VWF: variants seen among roughly 807,000 people sequenced by gnomAD.
VWF encodes von Willebrand factor, also known as Factor VIII related antigen.
A neutral mutation model predicts 308.6 loss-of-function variants in VWF; 176 were observed. The observed-to-expected ratio is 0.57, with a 90% CI of 0.50 to 0.65. The LOEUF (loss-of-function observed/expected upper bound fraction) is 0.65. VWF is among the 30% of genes least tolerant of loss of function. VWF has a pLI of 0.00. For missense variants in VWF, 3,146 were observed against 3,648.2 expected (o/e 0.86, Z 3.55); for synonymous variants, 1,385 against 1,443.4 (o/e 0.96, Z 0.92).
chr12:6,049,301 G>A (rs1206363049), intron 16 of VWF, among the ~76,000 whole-genome samples: 2 of 152,174 alleles, frequency 1.3e-5, no homozygotes, highest in Non-Finnish European at 2.9e-5. Context: ...ATAGCTTTCA[G>A]CCCTGGTGCC....
chr12:5,953,995 C>CAAAAAAAAAA, intron 47 of VWF: 1 of 220,314 alleles, frequency 4.5e-6, no homozygotes. Flanking sequence ...CCCAGTCTTT[C>CAAAAAAAAAA]AAACAAGAAA....
chr12:5,954,739 G>A (rs723188), intron 47 of VWF, among the ~76,000 whole-genome samples: 42,297 of 152,120 alleles, frequency 0.28, 8,200 homozygotes, highest in African/African-American at 0.55. Context: ...GAGACAAAAC[G>A]ACAGCTGGAA....
chr12:5,974,310 CAGA>C (rs1252655238), intron 43 of VWF, among the ~76,000 whole-genome samples: 5 of 152,270 alleles, frequency 3.3e-5, no homozygotes, highest in African/African-American at 1.2e-4. Context: ...TTCTCCTCCC[CAGA>C]AGATGTGAAC....
In VWF at chr12:6,012,926, C is replaced by T. The variant is rs1196924779; in HGVS notation, c.5620+555G>A. 2.6e-5 allele frequency among the ~76,000 whole-genome samples: 4 copies of T among 152,186 alleles called. No homozygotes were observed. In the East Asian group the frequency reaches 7.7e-4, roughly 29 times the overall value. On this transcript the variant is annotated intron_variant, in intron 32 of 51. Coordinates refer to ENST00000261405, the MANE Select transcript of VWF (RefSeq NM_000552.5). ...CTGTGTTAGCCAAGATGGTCTCGAT[C>T]TCCTGACCTCATGATCCGCCCGCCT... is the stretch of plus-strand genomic sequence containing the variant.
At chr12:6,076,069 A>AT (rs112980082) in intron 6 of VWF, among the ~76,000 whole-genome samples, 230 of 147,048 alleles carry the variant, frequency 1.6e-3, no homozygotes, top group Admixed American at 3.3e-3. Context: ...GATCAGCAAG[A>AT]TTTTTTTTTT....
intron 47 of VWF, among the ~76,000 whole-genome samples, chr12:5,955,843 A>G (rs572549704): frequency 1.8e-4 from 28 of 152,234 alleles, no homozygotes; most frequent in Non-Finnish European, 3.1e-4. Context: ...AACTCACTGG[A>G]TTGGATTAAC....
intron 47 of VWF, among the ~76,000 whole-genome samples, chr12:5,964,242 A>ATGCATGCATACATACATACATG (rs1565811123): frequency 1.5e-5 from 2 of 136,970 alleles, no homozygotes; most frequent in African/African-American, 6.7e-5. Flanking sequence ...ATACATACAT[A>ATGCATGCATACATACATACATG]CATACATGCA....
At chr12:5,950,315 G>A (rs1237165427) in intron 50 of VWF, among the ~76,000 whole-genome samples, 1 of 152,084 alleles carries the variant, frequency 6.6e-6, no homozygotes, top group East Asian at 1.9e-4. Context: ...AAGAGGAAAG[G>A]CGAAGTCATG....
intron 18 of VWF, among the ~76,000 whole-genome samples, chr12:6,040,614 A>G (rs148678389): frequency 2.6e-5 from 4 of 152,348 alleles, no homozygotes; most frequent in African/African-American, 9.6e-5. Context: ...GTTAGGAGGC[A>G]GGATTCAAAC....
intron 21 of VWF, 118 bp from the exon 22 acceptor site, chr12:6,029,606 A>C (rs1024802502): frequency 4.6e-5 from 62 of 1,340,950 alleles, no homozygotes; most frequent in South Asian, 1.5e-4. Context: ...AGGCACTGCC[A>C]CCCCTCCAGG....
chr12:6,016,306 T>C (rs1944056638), intron 30 of VWF, 74 bp from the exon 31 acceptor site: 2 of 1,605,966 alleles, frequency 1.2e-6, no homozygotes, highest in South Asian at 2.2e-5. Context: ...GGTGGATCCT[T>C]AAGTCACTTA....
At chr12:6,082,168 T>C (rs141921049) in intron 6 of VWF, among the ~76,000 whole-genome samples, 2,299 of 152,216 alleles carry the variant, frequency 0.015, 57 homozygotes, top group African/African-American at 0.052. Flanking sequence ...GGTTCCACCA[T>C]GTTGGTCAGG....
Position 5,952,519 on chromosome 12 carries a change from G to A in VWF, c.7987C>T (p.Arg2663Cys), listed in dbSNP as rs370662678. The A allele has an allele frequency of 5.3e-5, 85 of 1,613,370 alleles. No homozygotes were observed. The highest frequency in any genetic ancestry group is 8.0e-5 in the African/African-American group (6 of 74,896). Residue 2663 changes from arginine (R) to cysteine (C), a missense_variant and splice_region_variant, in exon 49 of 52, where the codon CGT becomes TGT. By Grantham distance (180) the Arg-to-Cys change is radical. This residue lies in a region of VWF where 989 missense variants were observed against 1,117.4 expected (regional missense o/e 0.89). Transcript: ENST00000261405. ...CAGCCATCCTGGAGCGTCTCATCACGCTGGAAGGAAAGAGGAGTGGGTAAA... is the reference window on the plus strand; with the variant it reads ...CAGCCATCCTGGAGCGTCTCATCACACTGGAAGGAAAGAGGAGTGGGTAAA... Reference protein sequence around the residue: ...LRGGQIMTLKRDETLQDGCDT... With the variant: ...LRGGQIMTLKCDETLQDGCDT...
At chr12:6,003,412 T>C (rs1442391672) in intron 34 of VWF, among the ~76,000 whole-genome samples, 2 of 151,980 alleles carry the variant, frequency 1.3e-5, no homozygotes, top group African/African-American at 4.8e-5. Flanking sequence ...TACAGCATTA[T>C]AACTTTAGGA....
chr12:5,992,178 T>C (rs887340174), intron 37 of VWF, among the ~76,000 whole-genome samples, 160 bp from the exon 38 acceptor site: 3 of 152,216 alleles, frequency 2.0e-5, no homozygotes, highest in African/African-American at 4.8e-5. Context: ...GAAACAGAAC[T>C]TTAGGCTGGG....
At chr12:6,012,791 T>G (rs573193441) in intron 32 of VWF, among the ~76,000 whole-genome samples, 15 of 150,714 alleles carry the variant, frequency 1.0e-4, no homozygotes, top group African/African-American at 3.7e-4. Context: ...AAGCTCTGCC[T>G]CCCGGGTTCA....
intron 18 of VWF, among the ~76,000 whole-genome samples, chr12:6,040,895 G>A (rs1051898463): frequency 6.6e-6 from 1 of 152,180 alleles, no homozygotes; most frequent in Admixed American, 6.5e-5. Flanking sequence ...GTGCTTCTGG[G>A]CATACGGTGG....
In VWF at chr12:5,994,087, G is replaced by T; in HGVS notation, c.6373C>A (p.Pro2125Thr). 6.2e-7 allele frequency: 1 copy of T among 1,614,136 alleles called. No homozygotes were observed. Among genetic ancestry groups the T allele is most frequent in the Non-Finnish European group, 8.5e-7 (1 of 1,180,020 alleles). Residue 2125 changes from proline to threonine, a missense_variant, in exon 37 of 52, where the codon CCC (proline) becomes ACC (threonine). Pro to Thr is a conservative substitution (Grantham distance 38, BLOSUM62 -1). Around this residue, in one of 3 missense-constraint regions of VWF, gnomAD observed 989 missense variants for 1,117.4 expected, o/e 0.89. Transcript: ENST00000261405. ...ACAAGACACTGCTCCTCCAGGATGG[G>T]CTGGCACGTCTGCCCTGGCCGCTGC... is the stretch of plus-strand genomic sequence containing the variant. ...TVQRPGQTCQ[P>T]ILEEQCLVPD... is the part of the protein sequence containing the mutation.
At chr12:6,107,526 T>C (rs1469477736) in intron 5 of VWF, among the ~76,000 whole-genome samples, 1 of 152,074 alleles carries the variant, frequency 6.6e-6, no homozygotes, top group Admixed American at 6.6e-5. Context: ...TGGAAAAAGA[T>C]ACATCAAACA....
Sources: gnomAD v4.1 joint callset for allele counts (sites outside exome capture counted in the v4.1 genomes callset) on GRCh38, gnomAD v4.1.1 for gene constraint, gnomAD v4.1.1 regional missense constraint, MANE v1.5 for transcripts, NCBI Gene and HGNC (gene_info 2026-07-23, HGNC 2026-07-21) for gene names.